USP47: variants seen among roughly 807,000 people sequenced by gnomAD.
USP47 encodes ubiquitin specific peptidase 47, also known as ubiquitin carboxyl-terminal hydrolase 47.
Under a neutral mutation model 165.1 loss-of-function variants are expected in USP47, and 35 were observed. The observed-to-expected ratio is 0.21, with a 90% CI of 0.16 to 0.28. USP47 has a LOEUF of 0.28. Ranked by LOEUF, USP47 falls within the 10% of genes least tolerant of loss-of-function variation. USP47 has a pLI of 1.00. For missense variants in USP47, 1,277 were observed against 1,607.4 expected (o/e 0.79, Z 3.52); for synonymous variants, 531 against 544.5 (o/e 0.98, Z 0.35).
chr11:11,932,192 G>A (rs914582324), intron 14 of USP47, among the ~76,000 whole-genome samples: 1 of 152,050 alleles, frequency 6.6e-6, no homozygotes, highest in Non-Finnish European at 1.5e-5. Flanking sequence ...GGTTGGGGGA[G>A]GGGTGCCACA....
chr11:11,953,058 G>A (rs1285185670), intron 25 of USP47, among the ~76,000 whole-genome samples, 187 bp downstream of exon 25: 1 of 152,120 alleles, frequency 6.6e-6, no homozygotes, highest in Non-Finnish European at 1.5e-5. Context: ...GCACACTCTG[G>A]TTGTTCAGGC....
chr11:11,880,166 T>C lies in USP47; in HGVS notation c.40-11T>C. On this transcript the variant is annotated splice_polypyrimidine_tract_variant and intron_variant, in intron 1 of 27. Coordinates refer to ENST00000527733, the MANE Select transcript of USP47 (RefSeq NM_001282659.2). ...ATAATATATAAAGTCATATTTTTCT[T>C]AAAATTTCAGATAGAAAATGCTGCT... 6.8e-7 allele frequency: 1 copy of C among 1,463,444 alleles called. No homozygotes were observed. The highest frequency in any genetic ancestry group is 9.0e-7 in the Non-Finnish European group (1 of 1,115,974). The allele number at this position is 1,463,444 out of a possible 1,614,324, so 90.7% of individuals were successfully genotyped here. A position where few individuals can be genotyped will look rare whatever the true frequency, so the allele number is the denominator to read the frequency against.
chr11:11,953,394 TAA>T (rs747364638), intron 25 of USP47, among the ~76,000 whole-genome samples: 4 of 152,076 alleles, frequency 2.6e-5, no homozygotes, highest in East Asian at 3.8e-4. Context: ...CTAAATGTAT[TAA>T]GTTTATATAT....
intron 1 of USP47, among the ~76,000 whole-genome samples, chr11:11,851,179 A>G (rs1371093287): frequency 6.6e-6 from 1 of 152,218 alleles, no homozygotes; most frequent in African/African-American, 2.4e-5. Context: ...GCTGAGTAGG[A>G]AAAGGGGATA....
chr11:11,937,425 G>A (rs1855150759), intron 17 of USP47, among the ~76,000 whole-genome samples: 1 of 151,712 alleles, frequency 6.6e-6, no homozygotes, highest in African/African-American at 2.4e-5. Flanking sequence ...GAAGGCCTCT[G>A]TTTACAGAGT....
chr11:11,853,488 A>C (rs149513919), intron 1 of USP47, among the ~76,000 whole-genome samples: 1 of 152,248 alleles, frequency 6.6e-6, no homozygotes, highest in African/African-American at 2.4e-5. Flanking sequence ...GATCTTTCAC[A>C]TCGACGTTCT....
At chr11:11,861,339 G>C (rs894587281) in intron 1 of USP47, among the ~76,000 whole-genome samples, 7 of 152,118 alleles carry the variant, frequency 4.6e-5, no homozygotes, top group African/African-American at 9.6e-5. Flanking sequence ...CGGGTGATTC[G>C]GCTGCCTTGG....
At chr11:11,936,843 C>A (rs984936981) in intron 17 of USP47, among the ~76,000 whole-genome samples, 1 of 151,840 alleles carries the variant, frequency 6.6e-6, no homozygotes, top group East Asian at 1.9e-4. Flanking sequence ...TTAGGAAGAT[C>A]TCTCTTTCTC....
intron 7 of USP47, 117 bp downstream of exon 7, chr11:11,903,459 T>A: frequency 1.1e-6 from 1 of 878,480 alleles, no homozygotes; most frequent in Non-Finnish European, 1.7e-6. Context: ...ATGGTTAAAG[T>A]ACCCAATGGG....
intron 8 of USP47, among the ~76,000 whole-genome samples, chr11:11,909,530 G>A (rs561530144): frequency 9.2e-5 from 14 of 152,228 alleles, no homozygotes; most frequent in Admixed American, 5.2e-4. Context: ...ATCTAAGGAA[G>A]TGCTTTTTTA....
chr11:11,938,412 C>A, intron 18 of USP47, 40 bp downstream of exon 18: 1 of 1,476,132 alleles, frequency 6.8e-7, no homozygotes, highest in Non-Finnish European at 9.4e-7. Flanking sequence ...TTTTTGAGAG[C>A]CTGCTATGTA....
At chr11:11,893,480 A>C (rs1245695423) in intron 4 of USP47, among the ~76,000 whole-genome samples, 1 of 152,192 alleles carries the variant, frequency 6.6e-6, no homozygotes. Context: ...TTTGTCACCC[A>C]GGCTGGAGTG....
chr11:11,898,270 AT>A (rs1274188002), intron 5 of USP47, among the ~76,000 whole-genome samples: 1 of 152,126 alleles, frequency 6.6e-6, no homozygotes, highest in East Asian at 1.9e-4. Context: ...ATTATGACAC[AT>A]TTAACACACC....
rs1404296033 is a variant in USP47 at position 11,933,086 on chromosome 11, A to T, written c.1734A>T (p.Arg578Ser). The change falls in exon 15 of 28, where the codon AGA becomes AGT. Residue 578 changes from arginine to serine, a missense_variant. Arg to Ser is a moderately radical substitution (Grantham distance 110). This residue lies in a region of USP47 where 909 missense variants were observed against 1,068.1 expected (regional missense o/e 0.85). Coordinates refer to ENST00000527733, the MANE Select transcript of USP47 (RefSeq NM_001282659.2). ...KERELEEQEK[R>S]QREIERNTCK... ...GAGAGTTGGAAGAACAAGAAAAGAG[A>T]CAACGAGAAATTGAGCGCAATACAT... The T allele has an allele frequency of 1.2e-6, 2 of 1,613,210 alleles. No individual in the cohort carries two copies. Among genetic ancestry groups the T allele is most frequent in the Non-Finnish European group, 1.7e-6 (2 of 1,179,582 alleles).
At chr11:11,862,262 T>C (rs1339428518) in intron 1 of USP47, among the ~76,000 whole-genome samples, 1 of 152,232 alleles carries the variant, frequency 6.6e-6, no homozygotes, top group Non-Finnish European at 1.5e-5. Context: ...TATGAAATTA[T>C]TTTTCTGAAT....
chr11:11,933,391 T>C (rs1475671775), intron 15 of USP47, among the ~76,000 whole-genome samples: 1 of 152,114 alleles, frequency 6.6e-6, no homozygotes, highest in African/African-American at 2.4e-5. Flanking sequence ...CCGTAAAAAC[T>C]GGATAGAAAT....
At chr11:11,946,732 G>C (rs1056300430) in intron 20 of USP47, among the ~76,000 whole-genome samples, 5 of 149,700 alleles carry the variant, frequency 3.3e-5, no homozygotes, top group Non-Finnish European at 7.5e-5. Flanking sequence ...ACTCCTTAAA[G>C]CTTAAAAAGT....
chr11:11,890,112 C>A (rs1851418838), intron 3 of USP47, among the ~76,000 whole-genome samples: 1 of 152,056 alleles, frequency 6.6e-6, no homozygotes, highest in East Asian at 1.9e-4. Context: ...AGAAAAAAAT[C>A]TAGGCAATAT....
intron 1 of USP47, among the ~76,000 whole-genome samples, chr11:11,857,563 A>G (rs1348806405): frequency 6.6e-6 from 1 of 152,214 alleles, no homozygotes; most frequent in Non-Finnish European, 1.5e-5. Flanking sequence ...TGATTTTAAC[A>G]CTGGAAGGGA....
Sources: allele counts gnomAD v4.1 joint callset (sites outside exome capture counted in the v4.1 genomes callset), GRCh38; gene constraint gnomAD v4.1.1; regional missense constraint gnomAD v4.1.1; transcripts MANE v1.5; gene names NCBI Gene and HGNC (gene_info 2026-07-23, HGNC 2026-07-21).